Variants in CNNM2 observed in about 807,000 individuals in gnomAD.
CNNM2 encodes metal transporter CNNM2.
A neutral mutation model predicts 66.9 loss-of-function variants in CNNM2; 12 were observed. The observed-to-expected ratio is 0.18, with a 90% CI of 0.11 to 0.29. The LOEUF (loss-of-function observed/expected upper bound fraction) is 0.29, where lower values mean the gene tolerates loss of function less well. CNNM2 is among the 10% of genes least tolerant of loss of function. CNNM2 has a pLI of 1.00. For synonymous variants in CNNM2, 557 were observed against 501.8 expected, an observed-to-expected ratio of 1.11 and a Z score of -1.47; for missense variants, 705 against 1,167.7, an observed-to-expected ratio of 0.60 and a Z score of 5.77.
chr10:102,940,729 A>G (rs910128829), intron 1 of CNNM2, among the ~76,000 whole-genome samples: 1 of 149,226 alleles, frequency 6.7e-6, no homozygotes, highest in Non-Finnish European at 1.5e-5. Context: ...TTATTTTATT[A>G]TTATTTTTTT....
At chr10:103,046,713 A>G (rs969542750) in intron 1 of CNNM2, among the ~76,000 whole-genome samples, 1 of 152,224 alleles carries the variant, frequency 6.6e-6, no homozygotes, top group African/African-American at 2.4e-5. Context: ...TCAAGCTAAA[A>G]GGAAGGCAGC....
chr10:103,015,477 A>T (rs2064426346), intron 1 of CNNM2, among the ~76,000 whole-genome samples: 1 of 137,620 alleles, frequency 7.3e-6, no homozygotes, highest in Non-Finnish European at 1.6e-5. Flanking sequence ...TATAACACTT[A>T]CAAATTATTG....
intron 1 of CNNM2, among the ~76,000 whole-genome samples, chr10:102,999,916 A>C (rs1292285475): frequency 1.3e-5 from 2 of 152,200 alleles, no homozygotes; most frequent in African/African-American, 4.8e-5. Context: ...GGGAAATTGG[A>C]ACCCTTGTGC....
chr10:103,023,314 G>C (rs1218697192), intron 1 of CNNM2, among the ~76,000 whole-genome samples: 1 of 152,146 alleles, frequency 6.6e-6, no homozygotes, highest in Non-Finnish European at 1.5e-5. Context: ...CACTTTGGGT[G>C]GCTGACGGCA....
intron 2 of CNNM2, among the ~76,000 whole-genome samples, chr10:103,053,928 G>A (rs1204898024): frequency 6.6e-6 from 1 of 152,192 alleles, no homozygotes; most frequent in African/African-American, 2.4e-5. Flanking sequence ...ACACAGTGGT[G>A]GTCCTTTGCT....
chr10:103,036,900 G>A (rs2064950023), intron 1 of CNNM2, among the ~76,000 whole-genome samples: 1 of 152,116 alleles, frequency 6.6e-6, no homozygotes, highest in Non-Finnish European at 1.5e-5. Flanking sequence ...GGCTATAAAA[G>A]GGAAATAGGA....
At chr10:103,055,955 G>A (rs2065288095) in intron 3 of CNNM2, among the ~76,000 whole-genome samples, 1 of 152,100 alleles carries the variant, frequency 6.6e-6, no homozygotes, top group Non-Finnish European at 1.5e-5. Context: ...AGGCATGGTG[G>A]TGGGTGCCTG....
intron 1 of CNNM2, among the ~76,000 whole-genome samples, chr10:102,994,911 C>T (rs1009373118): frequency 2.6e-5 from 4 of 152,208 alleles, no homozygotes; most frequent in African/African-American, 9.6e-5. Flanking sequence ...CTGGAAGAGG[C>T]TCTTGAGCCT....
In CNNM2 at chr10:103,086,394, A is replaced by G. The variant is rs1341353661; in HGVS notation, c.*9214A>G. 3 of 152,220 alleles carry G rather than the reference A, an allele frequency of 2.0e-5. No homozygotes were observed. Among genetic ancestry groups the G allele is most frequent in the Non-Finnish European group, 4.4e-5 (3 of 68,042 alleles). The allele number at this position is 152,220 out of a possible 1,614,324, so 9.4% of individuals were successfully genotyped here. ...TACCATTTTTCCCACCATCAAAGAC[A>G]GATTAAATAGTTTCCATAACATGGA... On this transcript the variant is annotated 3_prime_UTR_variant, in exon 8 of 8. Transcript: ENST00000369878.
rs1308356762 is a variant in CNNM2 at position 102,964,494 on chromosome 10, G to C, written c.1621+44393G>C. Among the ~76,000 whole-genome samples the C allele has an allele frequency of 3.9e-5, 6 of 152,298 alleles. No homozygotes were observed. The East Asian group carries it at 9.7e-4, about 25-fold the overall frequency. ...TTCACCCGCTTCGGCCTCCGAAAGA[G>C]CTGGGGTCACACTCATGAGCCACTG... On this transcript the variant is annotated intron_variant, in intron 1 of 7. Coordinates refer to ENST00000369878, the MANE Select transcript of CNNM2 (RefSeq NM_017649.5).
chr10:103,076,868 A>T, intron 7 of CNNM2, 103 bp from the exon 8 acceptor site: 1 of 1,032,132 alleles, frequency 9.7e-7, no homozygotes, highest in Non-Finnish European at 1.5e-6. Flanking sequence ...ATTTTCTCCT[A>T]GAGAGGCTGC....
chr10:102,918,936 C>G lies in CNNM2; in HGVS notation c.456C>G (p.Ile152Met), dbSNP rs2134149513. The G allele has an allele frequency of 3.1e-6, 5 of 1,612,194 alleles. No homozygotes were observed. Among genetic ancestry groups the G allele is most frequent in the Non-Finnish European group, 4.2e-6 (5 of 1,179,378 alleles). ...EPDSGPQRCG[I>M]RTSDIIILPH... is the part of the protein sequence containing the mutation. ...ACAGCGGCCCCCAGCGATGCGGCATCCGCACCTCAGACATCATCATCTTGC... is the reference window on the plus strand; with the variant it reads ...ACAGCGGCCCCCAGCGATGCGGCATGCGCACCTCAGACATCATCATCTTGC... Residue 152 changes from isoleucine to methionine, a missense_variant, in exon 1 of 8, where the codon ATC becomes ATG. Around this residue, in one of 9 missense-constraint regions of CNNM2, gnomAD observed 100 missense variants for 151.9 expected, o/e 0.66. Transcript: ENST00000369878. This position sits in a 1 kb window ranked among gnomAD's most constrained non-coding sequence, Gnocchi z 4.1.
chr10:103,041,851 A>G (rs754548289), intron 1 of CNNM2, among the ~76,000 whole-genome samples: 10 of 151,190 alleles, frequency 6.6e-5, no homozygotes, highest in Non-Finnish European at 1.5e-4. Context: ...CAGCCTCCTG[A>G]CCCAGGAAAC....
At chr10:102,978,043 G>A (rs2063663421) in intron 1 of CNNM2, among the ~76,000 whole-genome samples, 4 of 151,924 alleles carry the variant, frequency 2.6e-5, no homozygotes, top group African/African-American at 9.7e-5. Context: ...CCAAGTAGCT[G>A]GGATTACAGG....
chr10:103,054,084 G>A lies in CNNM2; in HGVS notation c.1766-245G>A, dbSNP rs1479749205. The stretch of plus-strand genomic sequence containing the variant: ...AGGGCCCTCTACAGACCTTCCTGAA[G>A]TACATTCACTAATCAGGCTGCCTGC... On this transcript the variant is annotated intron_variant, in intron 2 of 7. Coordinates refer to ENST00000369878, the MANE Select transcript of CNNM2 (RefSeq NM_017649.5). The surrounding 1 kb of genome is among the most constrained non-coding windows in gnomAD (Gnocchi z 5.2). 2.0e-5 allele frequency among the ~76,000 whole-genome samples: 3 copies of A among 152,158 alleles called. No homozygotes were observed. The highest frequency in any genetic ancestry group is 4.4e-5 in the Non-Finnish European group (3 of 68,032).
At position 102,918,882 on chromosome 10, in the gene CNNM2, G is replaced by A; in HGVS notation, c.402G>A (p.Gly134=). 6.2e-7 allele frequency: 1 copy of A among 1,608,818 alleles called. No individual in the cohort carries two copies. The highest frequency in any genetic ancestry group is 8.5e-7 in the Non-Finnish European group (1 of 1,177,636). ...GGCGCCACAGCCCGGGGGAGCGCGG[G>A]CTGGGGGGCCCCGCGCCGCCAGAGC... The part of the protein sequence containing the change: ...ERRRHSPGER[G]LGGPAPPEPD... The change falls in exon 1 of 8, where the codon GGG becomes GGA. Residue 134 remains glycine, a synonymous_variant. Coordinates refer to ENST00000369878, the MANE Select transcript of CNNM2 (RefSeq NM_017649.5). The surrounding 1 kb of genome is among the most constrained non-coding windows in gnomAD (Gnocchi z 4.1).
intron 1 of CNNM2, among the ~76,000 whole-genome samples, chr10:103,030,226 TA>T (rs981520293): frequency 6.6e-6 from 1 of 152,198 alleles, no homozygotes; most frequent in Non-Finnish European, 1.5e-5. Flanking sequence ...CCAAAGAACT[TA>T]AACGTTCCTA....
rs1234379418 is a variant in CNNM2, at chr10:102,919,937, G to A, written c.1457G>A (p.Gly486Glu). 5.0e-6 allele frequency: 8 copies of A among 1,614,180 alleles called. No homozygotes were observed. Among genetic ancestry groups the A allele is most frequent in the Non-Finnish European group, 6.8e-6 (8 of 1,180,028 alleles). ...SGYTRIPVFEGERSNIVDLLF... is the reference protein window; with the variant it reads ...SGYTRIPVFEEERSNIVDLLF... ...TACACCCGCATTCCAGTGTTTGAAG[G>A]GGAGCGCTCCAATATCGTGGACCTG... Residue 486 changes from glycine to glutamate, a missense_variant, in exon 1 of 8, where the codon GGG (glycine) becomes GAG (glutamate). Coordinates refer to ENST00000369878, the MANE Select transcript of CNNM2 (RefSeq NM_017649.5).
chr10:103,022,340 A>T (rs1244452620), intron 1 of CNNM2, among the ~76,000 whole-genome samples: 3 of 152,160 alleles, frequency 2.0e-5, no homozygotes, highest in Non-Finnish European at 4.4e-5. Flanking sequence ...TTTGAGGAAG[A>T]TCCTATCATA....
Sources: gnomAD v4.1 joint callset for allele counts (sites outside exome capture counted in the v4.1 genomes callset) on GRCh38, gnomAD v4.1.1 for gene constraint, gnomAD v4.1.1 regional missense constraint, Gnocchi (gnomAD v3.1) non-coding constraint, MANE v1.5 for transcripts, NCBI Gene and HGNC (gene_info 2026-07-23, HGNC 2026-07-21) for gene names.